MUC22: variants seen among roughly 807,000 people sequenced by gnomAD.
MUC22 encodes mucin 22.
MUC22 carries 24 observed loss-of-function variants against 40.3 expected under a neutral mutation model. The observed-to-expected ratio is 0.60, with a 90% CI of 0.43 to 0.84. The LOEUF is 0.84. Among genes scored for constraint, MUC22 ranks in the 40% least tolerant of loss-of-function variants. MUC22 has a pLI of 0.00. For synonymous variants in MUC22, 765 were observed against 844.5 expected (o/e 0.91, Z 1.63); for missense variants, 1,926 against 2,130.7 (o/e 0.90, Z 1.89).
chr6:31,027,084 G>A (rs1765451735), exon 2 of MUC22: 1 of 1,491,598 alleles, frequency 6.7e-7, no homozygotes, highest in Non-Finnish European at 9.0e-7. Context: ...CATCCACCAT[G>A]GGCTCTGAGA....
exon 4 of MUC22, chr6:31,034,899 G>A: frequency 6.5e-7 from 1 of 1,535,584 alleles, no homozygotes; most frequent in Non-Finnish European, 8.7e-7. Flanking sequence ...GCTACGGAGT[G>A]AATCATGGCG....
intron 2 of MUC22, among the ~76,000 whole-genome samples, chr6:31,030,503 C>A (rs150900710): frequency 0.068 from 9,001 of 133,180 alleles, 389 homozygotes; most frequent in South Asian, 0.14. Context: ...GGCGACAGAG[C>A]GAGACTCCGT....
chr6:31,022,732 T>G (rs533151536), intron 1 of MUC22, among the ~76,000 whole-genome samples: 1 of 152,244 alleles, frequency 6.6e-6, no homozygotes, highest in Admixed American at 6.5e-5. Flanking sequence ...ATGAGCTCAC[T>G]GGGAGGTAGA....
intron 1 of MUC22, among the ~76,000 whole-genome samples, chr6:31,021,030 GGA>G (rs1224490803): frequency 1.9e-5 from 2 of 103,288 alleles, no homozygotes; most frequent in African/African-American, 7.5e-5. Context: ...CTGTGCGGCC[GGA>G]GCCTCCCCGA....
At chr6:31,030,014 C>T (rs750084290) in exon 2 of MUC22, 5 of 1,535,802 alleles carry the variant, frequency 3.3e-6, no homozygotes, top group Non-Finnish European at 4.4e-6. Context: ...GCCACTGCAG[C>T]CTCCACCACT....
chr6:31,006,145 A>G, upstream of MUC22: 1 of 392,618 alleles, frequency 2.5e-6, no homozygotes, highest in South Asian at 1.8e-5. Context: ...TAAGTTAATG[A>G]TTCATATTTT....
chr6:31,012,008 A>G (rs1039454983), intron 1 of MUC22, among the ~76,000 whole-genome samples: 2 of 152,348 alleles, frequency 1.3e-5, no homozygotes, highest in East Asian at 1.9e-4. Context: ...GAAAGGAAAC[A>G]GCCCAGGGGA....
chr6:31,008,358 C>A (rs180897906), upstream of MUC22, among the ~76,000 whole-genome samples: 912 of 152,158 alleles, frequency 6.0e-3, 5 homozygotes, highest in Non-Finnish European at 6.7e-3. Flanking sequence ...TCAGGAGAGA[C>A]CAGCTTGAAG....
At chr6:31,016,811 A>G (rs1262844350) in intron 1 of MUC22, among the ~76,000 whole-genome samples, 1 of 152,044 alleles carries the variant, frequency 6.6e-6, no homozygotes, top group Non-Finnish European at 1.5e-5. Context: ...ACGGGCGGGA[A>G]CCCGGGCTGC....
At chr6:31,029,394 G>A (rs143307320) in exon 2 of MUC22, 63 of 1,480,062 alleles carry the variant, frequency 4.3e-5, no homozygotes, top group African/African-American at 3.2e-4. Context: ...TCTCTACCAC[G>A]GGCTCTGAGA....
chr6:31,030,077 C>A, exon 2 of MUC22: 1 of 1,532,858 alleles, frequency 6.5e-7, no homozygotes, highest in Non-Finnish European at 8.7e-7. Context: ...TCTATCCAGC[C>A]CATCACCAAC....
At chr6:31,022,073 A>G (rs1321726525) in intron 1 of MUC22, among the ~76,000 whole-genome samples, 2 of 152,036 alleles carry the variant, frequency 1.3e-5, no homozygotes, top group Non-Finnish European at 2.9e-5. Flanking sequence ...TTGCAGCTTC[A>G]CTCATGAGCC....
intron 1 of MUC22, among the ~76,000 whole-genome samples, chr6:31,023,856 A>T (rs1765063947): frequency 6.6e-6 from 1 of 152,136 alleles, no homozygotes; most frequent in African/African-American, 2.4e-5. Flanking sequence ...GGATAAAGAG[A>T]GACATTTCAT....
intron 1 of MUC22, among the ~76,000 whole-genome samples, chr6:31,014,523 C>G (rs1191420058): frequency 1.3e-5 from 2 of 152,064 alleles, no homozygotes; most frequent in African/African-American, 4.8e-5. Context: ...TTTATTTTTC[C>G]ATCTTGGAGC....
At chr6:31,023,472 A>G (rs13220447) in intron 1 of MUC22, among the ~76,000 whole-genome samples, 16,769 of 152,114 alleles carry the variant, frequency 0.11, 1,211 homozygotes, top group East Asian at 0.33. Context: ...TTGAGCTTAG[A>G]AAGTCAAGGC....
exon 2 of MUC22, chr6:31,026,031 T>A: frequency 6.5e-7 from 1 of 1,528,426 alleles, no homozygotes; most frequent in Non-Finnish European, 8.8e-7. Context: ...CCACCTCCAC[T>A]GCAAGCTCTG....
At chr6:31,025,855 A>G in exon 2 of MUC22, 1 of 1,535,118 alleles carries the variant, frequency 6.5e-7, no homozygotes, top group African/African-American at 1.4e-5. Context: ...AACAACCTTT[A>G]CTATAGCCTC....
exon 2 of MUC22, chr6:31,026,980 A>G: frequency 6.7e-7 from 1 of 1,494,018 alleles, no homozygotes; most frequent in Non-Finnish European, 8.9e-7. Flanking sequence ...TGAAACCAAC[A>G]CAGCATTTAC....
At chr6:31,020,842 G>C (rs112788574) in intron 1 of MUC22, among the ~76,000 whole-genome samples, 1 of 152,232 alleles carries the variant, frequency 6.6e-6, no homozygotes, top group Non-Finnish European at 1.5e-5. Context: ...CAGGCCCCGG[G>C]CAGTGAGGGG....
Sources: gnomAD v4.1 joint callset for allele counts (sites outside exome capture counted in the v4.1 genomes callset) on GRCh38, gnomAD v4.1.1 for gene constraint, MANE v1.5 for transcripts, NCBI Gene and HGNC (gene_info 2026-07-23, HGNC 2026-07-21) for gene names.